DUSP22: variants seen among roughly 807,000 people sequenced by gnomAD.
The protein encoded by DUSP22 is dual specificity protein phosphatase 22.
DUSP22 carries 24 observed loss-of-function variants against 24.5 expected under a neutral mutation model. The ratio of observed to expected loss-of-function variants is 0.98; its 90% CI spans 0.71 to 1.38. The LOEUF is 1.38. DUSP22 is among the 40% of genes most tolerant of loss of function. DUSP22 has a pLI of 0.00. For synonymous variants in DUSP22, 160 were observed against 106.4 expected, an observed-to-expected ratio of 1.50 and a Z score of -3.10; for missense variants, 330 against 269.2, an observed-to-expected ratio of 1.23 and a Z score of -1.58.
At chr6:314,628 C>A (rs1758260847) in intron 3 of DUSP22, among the ~76,000 whole-genome samples, 1 of 152,308 alleles carries the variant, frequency 6.6e-6, no homozygotes. Context: ...ACACTTTATT[C>A]CCCTCTGGAA....
intron 3 of DUSP22, among the ~76,000 whole-genome samples, chr6:313,155 AACT>A (rs1388675870): frequency 6.6e-6 from 1 of 152,306 alleles, no homozygotes; most frequent in Non-Finnish European, 1.5e-5. Context: ...TGCTAAGTTA[AACT>A]GCAAACTGGT....
Position 345,925 on chromosome 6 carries a change from A to G in DUSP22, c.260A>G (p.His87Arg), listed in dbSNP as rs1001711035. 41 of 1,614,082 alleles carry G rather than the reference A, an allele frequency of 2.5e-5. No individual in the cohort carries two copies. Among genetic ancestry groups the G allele is most frequent in the Non-Finnish European group, 3.4e-6 (4 of 1,180,002 alleles). Residue 87 changes from histidine (H) to arginine (R), a missense_variant, in exon 5 of 7, where the codon CAC becomes CGC. By Grantham distance (29) the His-to-Arg change is conservative. Transcript: ENST00000419235. ...CRLRGESCLV[H>R]CLAGVSRSVT... The stretch of plus-strand genomic sequence containing the variant: ...CTCCGCGGTGAGAGCTGCCTTGTAC[A>G]CTGGTACGTGTGTCTCTTGCTTAAT...
At chr6:325,012 G>C (rs909568175) in intron 3 of DUSP22, among the ~76,000 whole-genome samples, 2 of 152,312 alleles carry the variant, frequency 1.3e-5, no homozygotes, top group Admixed American at 6.5e-5. Context: ...CAGGGAGATA[G>C]GTACAGCACA....
intron 4 of DUSP22, among the ~76,000 whole-genome samples, chr6:335,530 A>G (rs1357174689): frequency 6.6e-6 from 1 of 152,298 alleles, no homozygotes; most frequent in African/African-American, 2.4e-5. Context: ...AGAAATAGAT[A>G]GTGAGCCACA....
intron 3 of DUSP22, among the ~76,000 whole-genome samples, chr6:328,083 C>G (rs956858677): frequency 1.3e-5 from 2 of 152,304 alleles, no homozygotes; most frequent in Non-Finnish European, 2.9e-5. Flanking sequence ...ACAGAGAACA[C>G]TCCTAGAATA....
intron 3 of DUSP22, among the ~76,000 whole-genome samples, chr6:314,388 G>C (rs1345401273): frequency 6.6e-6 from 1 of 152,286 alleles, no homozygotes; most frequent in African/African-American, 2.4e-5. Context: ...CATCCATGCA[G>C]GTGTCCTGCG....
chr6:346,188 C>T (rs899902623), intron 5 of DUSP22, among the ~76,000 whole-genome samples: 5 of 152,292 alleles, frequency 3.3e-5, no homozygotes, highest in South Asian at 2.1e-4. Flanking sequence ...GTGAAGGTTA[C>T]TGGACAACAG....
At chr6:327,024 A>G (rs954007090) in intron 3 of DUSP22, among the ~76,000 whole-genome samples, 9 of 152,306 alleles carry the variant, frequency 5.9e-5, no homozygotes, top group Non-Finnish European at 1.0e-4. Flanking sequence ...TGCTGCAGCT[A>G]CTGTAGCCTC....
intron 3 of DUSP22, among the ~76,000 whole-genome samples, chr6:321,991 G>A (rs1758611685): frequency 6.6e-6 from 1 of 152,302 alleles, no homozygotes; most frequent in Admixed American, 6.5e-5. Context: ...AGAAATACAG[G>A]TCCAGGGCTC....
At chr6:340,767 G>T (rs1759572286) in intron 4 of DUSP22, among the ~76,000 whole-genome samples, 1 of 152,304 alleles carries the variant, frequency 6.6e-6, no homozygotes, top group Non-Finnish European at 1.5e-5. Context: ...AAGGTGCTCA[G>T]CCAGATCTCT....
chr6:293,167 G>C lies in DUSP22; in HGVS notation c.21+607G>C, dbSNP rs534018569. Among the ~76,000 whole-genome samples, 5 of 152,410 alleles carry C rather than the reference G, an allele frequency of 3.3e-5. No homozygotes were observed. The East Asian group carries it at 9.6e-4, about 29-fold the overall frequency. Reference sequence around the variant, plus strand: ...GGGCAACCTGTTGCTGGCTGCTTGCGCTGATGAGGCCTTCTGGAAAATCTG... The same window carrying C: ...GGGCAACCTGTTGCTGGCTGCTTGCCCTGATGAGGCCTTCTGGAAAATCTG... On this transcript the variant is annotated intron_variant, in intron 1 of 6. Coordinates refer to ENST00000419235, the MANE Select transcript of DUSP22 (RefSeq NM_001286555.3).
intron 2 of DUSP22, among the ~76,000 whole-genome samples, chr6:309,506 T>A (rs1401015375): frequency 6.6e-6 from 1 of 152,302 alleles, no homozygotes; most frequent in Non-Finnish European, 1.5e-5. Flanking sequence ...GGTATTTTAA[T>A]ATCACCTAAA....
At chr6:346,044 C>T in intron 5 of DUSP22, 116 bp downstream of exon 5, 1 of 1,329,202 alleles carries the variant, frequency 7.5e-7, no homozygotes, top group Non-Finnish European at 1.1e-6. Context: ...TTCTGTAAAC[C>T]CTGACTCTCA....
At chr6:337,466 C>T (rs894310395) in intron 4 of DUSP22, among the ~76,000 whole-genome samples, 73 of 152,376 alleles carry the variant, frequency 4.8e-4, no homozygotes, top group African/African-American at 1.6e-3. Flanking sequence ...AAGCCTGCTT[C>T]AGTTACTTGA....
At chr6:304,706 TA>T in intron 2 of DUSP22, 45 bp downstream of exon 2, 1 of 1,611,544 alleles carries the variant, frequency 6.2e-7, no homozygotes, top group Admixed American at 1.7e-5. Context: ...ACACATAACA[TA>T]AAATGTGTCA....
rs764900576 is a variant in DUSP22, at chr6:348,172, G to A, written c.333G>A (p.Trp111Ter). 31 of 1,614,294 alleles carry A rather than the reference G, an allele frequency of 1.9e-5. No individual in the cohort carries two copies. Among genetic ancestry groups the A allele is most frequent in the Non-Finnish European group, 2.6e-5 (31 of 1,180,046 alleles). ...TCATGACCGTCACTGACTTTGGCTG[G>A]GAGGATGCCCTGCACACCGTGCGTG... ...AYIMTVTDFGWEDALHTVRAG... is the reference protein window; with the variant it reads ...AYIMTVTDFG The change falls in exon 6 of 7, where the codon TGG becomes TGA. Residue 111 changes from tryptophan to a stop codon, truncating the protein, a stop_gained. Transcript: ENST00000419235. LOFTEE classifies it high-confidence loss of function.
intron 4 of DUSP22, among the ~76,000 whole-genome samples, chr6:341,385 G>A (rs931062328): frequency 2.6e-5 from 4 of 152,428 alleles, no homozygotes; most frequent in Non-Finnish European, 5.9e-5. Flanking sequence ...AGCAATAGAA[G>A]GACCAGGACT....
At chr6:334,900 C>T (rs1382159058) in intron 3 of DUSP22, among the ~76,000 whole-genome samples, 1 of 152,292 alleles carries the variant, frequency 6.6e-6, no homozygotes, top group East Asian at 1.9e-4. Context: ...AGGCTGTTTG[C>T]AAACCAAAGC....
chr6:315,859 G>A (rs1758316111), intron 3 of DUSP22, among the ~76,000 whole-genome samples: 1 of 152,308 alleles, frequency 6.6e-6, no homozygotes, highest in African/African-American at 2.4e-5. Context: ...CCCTGGCAGA[G>A]CCTTTGGTGT....
Sources: allele counts gnomAD v4.1 joint callset (sites outside exome capture counted in the v4.1 genomes callset), GRCh38; gene constraint gnomAD v4.1.1; transcripts MANE v1.5; gene names NCBI Gene and HGNC (gene_info 2026-07-23, HGNC 2026-07-21).